The following ASTN2 variants were observed in gnomAD, a reference collection of about 807,000 sequenced individuals.
ASTN2 encodes the protein astrotactin-2.
A neutral mutation model predicts 139.8 loss-of-function variants in ASTN2; 54 were observed. The observed-to-expected ratio is 0.39, with a 90% CI of 0.31 to 0.48. ASTN2 has a LOEUF of 0.48. ASTN2 is among the 20% of genes least tolerant of loss of function. The pLI, the probability that ASTN2 is intolerant of heterozygous loss-of-function variation, is 0.95. For synonymous variants in ASTN2, 756 were observed against 719.5 expected (o/e 1.05, Z -0.81); for missense variants, 1,565 against 1,725.1 (o/e 0.91, Z 1.64).
At chr9:116,838,310 A>C (rs2132296906) in intron 11 of ASTN2, among the ~76,000 whole-genome samples, 1 of 151,680 alleles carries the variant, frequency 6.6e-6, no homozygotes, top group South Asian at 2.1e-4. Flanking sequence ...GGGTTTCTCC[A>C]TGTTGGTCAG....
chr9:116,476,112 C>A (rs931951820), intron 20 of ASTN2, among the ~76,000 whole-genome samples: 1 of 152,158 alleles, frequency 6.6e-6, no homozygotes, highest in Non-Finnish European at 1.5e-5. Flanking sequence ...CCTCTGAAGG[C>A]TCTTGGAAAG....
At chr9:116,903,394 T>A (rs895366160) in intron 10 of ASTN2, among the ~76,000 whole-genome samples, 4 of 152,206 alleles carry the variant, frequency 2.6e-5, no homozygotes, top group African/African-American at 9.7e-5. Context: ...ATAGTGGATA[T>A]TTGCGACCAA....
chr9:116,461,728 G>A (rs183273331), intron 20 of ASTN2, among the ~76,000 whole-genome samples: 3 of 152,240 alleles, frequency 2.0e-5, no homozygotes, highest in East Asian at 3.9e-4. Context: ...GGATCCCTGA[G>A]TGACTGTTGG....
At chr9:116,706,900 C>T (rs1449218810) in intron 16 of ASTN2, among the ~76,000 whole-genome samples, 3 of 150,412 alleles carry the variant, frequency 2.0e-5, no homozygotes, top group African/African-American at 7.3e-5. Flanking sequence ...TGATAATTGG[C>T]ATTTAAGAAC....
intron 20 of ASTN2, among the ~76,000 whole-genome samples, chr9:116,486,623 T>C (rs1294757456): frequency 6.6e-6 from 1 of 152,212 alleles, no homozygotes; most frequent in Non-Finnish European, 1.5e-5. Flanking sequence ...TGAGCTATCA[T>C]TCCATAATTG....
chr9:117,274,807 T>C (rs756751946), intron 2 of ASTN2, among the ~76,000 whole-genome samples: 6 of 152,214 alleles, frequency 3.9e-5, no homozygotes, highest in Admixed American at 2.0e-4. Flanking sequence ...GGTGGGCCTT[T>C]CCTCTGAGTT....
chr9:117,274,367 G>T (rs563878329), intron 2 of ASTN2, among the ~76,000 whole-genome samples: 2 of 152,216 alleles, frequency 1.3e-5, no homozygotes, highest in African/African-American at 4.8e-5. Flanking sequence ...AATAGTCTGG[G>T]TTGGAACAGG....
chr9:117,327,731 T>A (rs1052283912), intron 1 of ASTN2, among the ~76,000 whole-genome samples: 1 of 152,162 alleles, frequency 6.6e-6, no homozygotes, highest in Admixed American at 6.5e-5. Context: ...AGCTCCCTTA[T>A]CCTCCCTCCT....
At chr9:116,514,312 A>G (rs1850542159) in intron 19 of ASTN2, among the ~76,000 whole-genome samples, 1 of 149,146 alleles carries the variant, frequency 6.7e-6, no homozygotes, top group Non-Finnish European at 1.5e-5. Context: ...GCTGCAGAAC[A>G]TCGAATATTG....
At chr9:116,462,395 C>A (rs756997181) in intron 20 of ASTN2, among the ~76,000 whole-genome samples, 2 of 152,184 alleles carry the variant, frequency 1.3e-5, no homozygotes, top group Non-Finnish European at 1.5e-5. Flanking sequence ...GCTTCAGAGC[C>A]AGGGCTCTTA....
intron 7 of ASTN2, among the ~76,000 whole-genome samples, chr9:116,981,428 C>T (rs1371784500): frequency 2.0e-5 from 3 of 152,272 alleles, no homozygotes; most frequent in Middle Eastern, 3.4e-3. Flanking sequence ...AACACAAGTG[C>T]TGATGAAATG....
chr9:117,113,016 A>G (rs925561601), intron 4 of ASTN2, among the ~76,000 whole-genome samples: 17 of 152,234 alleles, frequency 1.1e-4, no homozygotes, highest in Non-Finnish European at 1.9e-4. Context: ...TCAGGGAGAC[A>G]TAAATTATAT....
chr9:116,952,348 G>C (rs570092428), intron 10 of ASTN2, among the ~76,000 whole-genome samples: 1 of 152,256 alleles, frequency 6.6e-6, no homozygotes, highest in Non-Finnish European at 1.5e-5. Flanking sequence ...AGAGTATAAG[G>C]CTGGCCTCAA....
chr9:116,891,323 C>T (rs183828271), intron 10 of ASTN2, among the ~76,000 whole-genome samples: 1 of 152,302 alleles, frequency 6.6e-6, no homozygotes, highest in East Asian at 1.9e-4. Context: ...TTTCTGAATA[C>T]CTGCCTGGGT....
intron 5 of ASTN2, among the ~76,000 whole-genome samples, chr9:117,057,440 C>T (rs545871221): frequency 6.6e-6 from 1 of 152,296 alleles, no homozygotes; most frequent in Non-Finnish European, 1.5e-5. Flanking sequence ...GCGCTTCCTG[C>T]ATATGCTGTT....
In ASTN2 at chr9:117,042,386, A is replaced by G. The variant is rs574245434; in HGVS notation, c.1277-2421T>C. On this transcript the variant is annotated intron_variant, in intron 5 of 22. Coordinates refer to ENST00000313400, the MANE Select transcript of ASTN2 (RefSeq NM_001365068.1). ...AACCCAGAAGTTACTTAATTTAAGA[A>G]CAAGACCCTTGTCTTTTTTCTCAGT... Among the ~76,000 whole-genome samples the G allele has an allele frequency of 5.2e-4, 79 of 152,332 alleles. 2 individuals are homozygous for G. The South Asian group carries it at 0.016, about 31-fold the overall frequency.
At chr9:117,231,229 A>G (rs1380352410) in intron 2 of ASTN2, among the ~76,000 whole-genome samples, 4 of 152,240 alleles carry the variant, frequency 2.6e-5, no homozygotes, top group African/African-American at 9.6e-5. Flanking sequence ...TGAAAACCAT[A>G]GAAATTCTTA....
chr9:116,501,246 G>A lies in ASTN2; in HGVS notation c.3356-13746C>T, dbSNP rs545756044. Among the ~76,000 whole-genome samples, 6 of 152,288 alleles carry A rather than the reference G, an allele frequency of 3.9e-5. No homozygotes were observed. The South Asian group carries it at 8.3e-4, about 21-fold the overall frequency. ...TTTTTTGTTCTTGCGATAGTTTACT[G>A]AGAATGATGATTTCCAATTTCATCC... On this transcript the variant is annotated intron_variant, in intron 19 of 22. Transcript: ENST00000313400.
At chr9:116,865,481 G>A (rs1475240403) in intron 10 of ASTN2, among the ~76,000 whole-genome samples, 1 of 145,512 alleles carries the variant, frequency 6.9e-6, no homozygotes, top group Non-Finnish European at 1.5e-5. Flanking sequence ...GCAGGATTTG[G>A]TAAAGAGAGA....
Sources: gnomAD v4.1 joint callset for allele counts (sites outside exome capture counted in the v4.1 genomes callset) on GRCh38, gnomAD v4.1.1 for gene constraint, MANE v1.5 for transcripts, NCBI Gene and HGNC (gene_info 2026-07-23, HGNC 2026-07-21) for gene names.